THSD4: variants seen among roughly 807,000 people sequenced by gnomAD.
The protein encoded by THSD4 is thrombospondin type-1 domain-containing protein 4.
In THSD4, 69 loss-of-function variants were observed where a neutral mutation model predicts 119.0. The observed-to-expected ratio is 0.58, with a 90% CI of 0.48 to 0.71. The LOEUF is 0.71. Among genes scored for constraint, THSD4 ranks in the 30% least tolerant of loss-of-function variants. THSD4 has a pLI of 0.00. For synonymous variants in THSD4, 524 were observed against 540.4 expected (o/e 0.97, Z 0.42); for missense variants, 1,393 against 1,391.1 (o/e 1.00, Z -0.02).
chr15:71,173,144 T>C (rs1047104183), intron 3 of THSD4, among the ~76,000 whole-genome samples: 1 of 152,084 alleles, frequency 6.6e-6, no homozygotes, highest in Non-Finnish European at 1.5e-5. Flanking sequence ...TGTAAAAAGA[T>C]TGTTAGAACT....
intron 6 of THSD4, among the ~76,000 whole-genome samples, chr15:71,305,792 A>G (rs938250360): frequency 6.6e-6 from 1 of 152,120 alleles, no homozygotes; most frequent in African/African-American, 2.4e-5. Flanking sequence ...ATGTGTCACT[A>G]ACCAAGGGGC....
chr15:71,759,629 A>G (rs1197875124), intron 15 of THSD4, among the ~76,000 whole-genome samples: 1 of 152,240 alleles, frequency 6.6e-6, no homozygotes, highest in East Asian at 1.9e-4. Flanking sequence ...GACTGTATAT[A>G]GGACACCAAT....
intron 7 of THSD4, among the ~76,000 whole-genome samples, chr15:71,589,680 G>A (rs970526681): frequency 1.4e-5 from 2 of 139,416 alleles, no homozygotes; most frequent in African/African-American, 5.0e-5. Context: ...CTTACTGTTG[G>A]TTTCAGTAAA....
chr15:71,129,158 A>G (rs774008705), intron 1 of THSD4, among the ~76,000 whole-genome samples: 2 of 152,212 alleles, frequency 1.3e-5, no homozygotes, highest in Non-Finnish European at 2.9e-5. Context: ...AGGGCTTAGC[A>G]TGAGCTGGTG....
At chr15:71,401,777 A>T (rs1011118149) in intron 6 of THSD4, among the ~76,000 whole-genome samples, 1 of 152,216 alleles carries the variant, frequency 6.6e-6, no homozygotes, top group African/African-American at 2.4e-5. Context: ...ATTATAATTC[A>T]TGCTACTATA....
upstream of THSD4, chr15:71,111,731 C>A (rs953391807): frequency 3.8e-6 from 2 of 521,728 alleles, no homozygotes; most frequent in African/African-American, 3.8e-5. Context: ...TTTCATCCCA[C>A]TTCCAAATGC....
At chr15:71,432,561 A>G (rs1475334221) in intron 7 of THSD4, among the ~76,000 whole-genome samples, 1 of 150,858 alleles carries the variant, frequency 6.6e-6, no homozygotes, top group Non-Finnish European at 1.5e-5. Context: ...CAAAAAGTGA[A>G]CAAAATCTTT....
intron 11 of THSD4, among the ~76,000 whole-genome samples, chr15:71,741,209 G>A (rs1039622339): frequency 1.3e-5 from 2 of 152,080 alleles, no homozygotes; most frequent in African/African-American, 4.8e-5. Context: ...TTGAATAAGC[G>A]GCCGGGCATG....
At chr15:71,751,777 CCCT>C (rs2053452573) in intron 14 of THSD4, among the ~76,000 whole-genome samples, 1 of 152,108 alleles carries the variant, frequency 6.6e-6, no homozygotes, top group Non-Finnish European at 1.5e-5. Context: ...TAGTGATCCT[CCCT>C]CCTCAGCCTC....
intron 1 of THSD4, among the ~76,000 whole-genome samples, chr15:71,137,517 G>A (rs2040562182): frequency 6.6e-6 from 1 of 151,782 alleles, no homozygotes. Flanking sequence ...ATGAATGCAG[G>A]TATTTTTTTC....
intron 7 of THSD4, among the ~76,000 whole-genome samples, chr15:71,553,695 T>A (rs2048969762): frequency 6.6e-6 from 1 of 152,236 alleles, no homozygotes; most frequent in Non-Finnish European, 1.5e-5. Flanking sequence ...GTAGATACAT[T>A]TTATCCAGTT....
intron 15 of THSD4, among the ~76,000 whole-genome samples, chr15:71,762,779 T>G (rs1398682442): frequency 6.6e-6 from 1 of 152,084 alleles, no homozygotes; most frequent in East Asian, 1.9e-4. Context: ...ATCTTATAGT[T>G]TTTTTTTGGC....
chr15:71,527,483 C>A lies in THSD4; in HGVS notation c.1152+115660C>A, dbSNP rs140779914. Among the ~76,000 whole-genome samples, 26 of 152,170 alleles carry A rather than the reference C, an allele frequency of 1.7e-4. No homozygotes were observed. In the East Asian group the frequency reaches 4.8e-3, roughly 28 times the overall value. ...ACTTTCTTTTTCATAATGTATTCCC[C>A]ATTAATGCCCTTCAAATGTATAGCC... On this transcript the variant is annotated intron_variant, in intron 7 of 17. Transcript: ENST00000261862.
intron 6 of THSD4, among the ~76,000 whole-genome samples, chr15:71,403,122 C>T (rs1284995499): frequency 6.6e-6 from 1 of 152,108 alleles, no homozygotes; most frequent in South Asian, 2.1e-4. Context: ...TTGGGATCTC[C>T]TTTCTTCCTA....
upstream of THSD4, chr15:71,112,229 C>A (rs2040310721): frequency 6.2e-7 from 1 of 1,611,362 alleles, no homozygotes; most frequent in South Asian, 1.1e-5. Flanking sequence ...AGGCAGAGGG[C>A]TGATCAGTGA....
At chr15:71,586,090 T>C (rs2049663975) in intron 7 of THSD4, among the ~76,000 whole-genome samples, 1 of 152,230 alleles carries the variant, frequency 6.6e-6, no homozygotes, top group South Asian at 2.1e-4. Flanking sequence ...TAGGGTTGGT[T>C]ACTGATGTTC....
intron 7 of THSD4, among the ~76,000 whole-genome samples, chr15:71,474,313 G>A (rs372503554): frequency 9.9e-5 from 15 of 152,092 alleles, no homozygotes; most frequent in African/African-American, 3.4e-4. Context: ...TCTGCCGCCT[G>A]GGTTCAAGCG....
At chr15:71,651,117 C>T (rs953894736) in intron 7 of THSD4, among the ~76,000 whole-genome samples, 2 of 152,180 alleles carry the variant, frequency 1.3e-5, no homozygotes, top group Non-Finnish European at 2.9e-5. Flanking sequence ...GGCCTGCCCC[C>T]CAGTGGAGTT....
At chr15:71,483,262 A>G (rs998903534) in intron 7 of THSD4, among the ~76,000 whole-genome samples, 5 of 152,136 alleles carry the variant, frequency 3.3e-5, no homozygotes, top group East Asian at 1.9e-4. Flanking sequence ...CAATACCTCA[A>G]TTCTTCTTGA....
Sources: gnomAD v4.1 joint callset for allele counts (sites outside exome capture counted in the v4.1 genomes callset) on GRCh38, gnomAD v4.1.1 for gene constraint, MANE v1.5 for transcripts, NCBI Gene and HGNC (gene_info 2026-07-23, HGNC 2026-07-21) for gene names.